The following RUNX1T1 variants were observed in gnomAD, a reference collection of about 807,000 sequenced individuals.
RUNX1T1 encodes RUNX1 partner transcriptional co-repressor 1, also known as protein CBFA2T1.
Under a neutral mutation model 62.8 loss-of-function variants are expected in RUNX1T1, and 4 were observed. That is an observed-to-expected ratio of 0.06 (90% CI 0.03 to 0.15). The LOEUF (loss-of-function observed/expected upper bound fraction) is 0.15, where lower values mean the gene tolerates loss of function less well. Ranked by LOEUF, RUNX1T1 falls within the 10% of genes least tolerant of loss-of-function variation. The pLI is 1.00. For missense variants in RUNX1T1, 508 were observed against 754.3 expected (o/e 0.67, Z 3.82); for synonymous variants, 291 against 286.0 (o/e 1.02, Z -0.18).
chr8:92,043,996 A>C (rs1828946886), intron 1 of RUNX1T1, among the ~76,000 whole-genome samples: 1 of 151,964 alleles, frequency 6.6e-6, no homozygotes, highest in African/African-American at 2.4e-5. Context: ...AAAAAAAAAA[A>C]ACCTTAAGCT....
chr8:92,058,993 A>G (rs1034990399), intron 1 of RUNX1T1, among the ~76,000 whole-genome samples: 2 of 152,206 alleles, frequency 1.3e-5, no homozygotes, highest in Admixed American at 6.5e-5. Flanking sequence ...GTTTCCAAAT[A>G]TCATTTTACA....
chr8:92,041,501 G>A (rs1384347131), intron 1 of RUNX1T1, among the ~76,000 whole-genome samples: 1 of 152,222 alleles, frequency 6.6e-6, no homozygotes, highest in Non-Finnish European at 1.5e-5. Flanking sequence ...AACAATTTGG[G>A]AGGCTGAGGT....
chr8:91,961,950 T>C (rs1810548480), intron 10 of RUNX1T1, among the ~76,000 whole-genome samples: 1 of 152,232 alleles, frequency 6.6e-6, no homozygotes, highest in East Asian at 1.9e-4. Context: ...CTGTGTTCTC[T>C]ACATTTGCTT....
At chr8:92,103,088 A>G (rs889158336), upstream of RUNX1T1, 2 of 443,724 alleles carry the variant, frequency 4.5e-6, no homozygotes, top group Non-Finnish European at 3.8e-6. Context: ...GCTGCCGTGC[A>G]AAAAGCCCGG....
chr8:92,002,328 A>G (rs761429885), intron 5 of RUNX1T1, among the ~76,000 whole-genome samples: 31 of 152,280 alleles, frequency 2.0e-4, no homozygotes, highest in Admixed American at 3.3e-4. Flanking sequence ...ACTGTTCCAT[A>G]CAGGAACAAA....
chr8:91,982,189 A>G (rs1022126134), intron 8 of RUNX1T1, among the ~76,000 whole-genome samples: 1 of 149,770 alleles, frequency 6.7e-6, no homozygotes, highest in African/African-American at 2.5e-5. Flanking sequence ...GTGAGCCGAG[A>G]TTATGCCACC....
chr8:92,076,899 G>C (rs886781431), intron 1 of RUNX1T1, among the ~76,000 whole-genome samples: 1 of 151,922 alleles, frequency 6.6e-6, no homozygotes, highest in Non-Finnish European at 1.5e-5. Context: ...AATAGAAAAA[G>C]TATTGCTATG....
intron 5 of RUNX1T1, among the ~76,000 whole-genome samples, chr8:92,003,991 G>GTT (rs1392525326): frequency 6.6e-6 from 1 of 152,210 alleles, no homozygotes; most frequent in Non-Finnish European, 1.5e-5. Context: ...TACAGAGATT[G>GTT]TAGCATAAAA....
At chr8:91,988,565 T>C (rs1817028709) in intron 6 of RUNX1T1, among the ~76,000 whole-genome samples, 1 of 152,086 alleles carries the variant, frequency 6.6e-6, no homozygotes, top group South Asian at 2.1e-4. Context: ...AACCAGAAAG[T>C]GATAAGGATA....
chr8:92,051,017 C>A (rs1830146912), intron 1 of RUNX1T1, among the ~76,000 whole-genome samples: 1 of 152,180 alleles, frequency 6.6e-6, no homozygotes, highest in Non-Finnish European at 1.5e-5. Context: ...TCTTCCTTGA[C>A]AATCTAATCT....
exon 6 of RUNX1T1, chr8:91,991,689 G>A (rs1563692438): frequency 6.2e-7 from 1 of 1,614,094 alleles, no homozygotes; most frequent in Non-Finnish European, 8.5e-7. Flanking sequence ...GTGTCGATAG[G>A]AGTCCCTGTA....
At chr8:92,020,199 A>G (rs1823813306) in intron 1 of RUNX1T1, among the ~76,000 whole-genome samples, 1 of 151,956 alleles carries the variant, frequency 6.6e-6, no homozygotes, top group Admixed American at 6.6e-5. Context: ...ACACATGAAC[A>G]CTCTCTGGAG....
intron 5 of RUNX1T1, 83 bp from the exon 7 acceptor site, chr8:91,991,972 T>TA: frequency 1.4e-6 from 2 of 1,450,210 alleles, no homozygotes; most frequent in Non-Finnish European, 1.9e-6. Flanking sequence ...GAGCTTGGAA[T>TA]AAAAACAGAA....
chr8:92,102,689 C>G (rs1838095034), upstream of RUNX1T1, among the ~76,000 whole-genome samples: 1 of 152,230 alleles, frequency 6.6e-6, no homozygotes, highest in Non-Finnish European at 1.5e-5. This position sits in a 1 kb window ranked among gnomAD's most constrained non-coding sequence, Gnocchi z 4.5. Flanking sequence ...CGATGTTCCT[C>G]TTTGCCCTGG....
At chr8:92,055,452 T>G (rs1306192468) in intron 1 of RUNX1T1, among the ~76,000 whole-genome samples, 3 of 152,024 alleles carry the variant, frequency 2.0e-5, no homozygotes, top group African/African-American at 7.2e-5. Flanking sequence ...ATTTATTAAT[T>G]TTTTTTTGAG....
At chr8:92,096,271 G>C (rs979360074) in intron 1 of RUNX1T1, among the ~76,000 whole-genome samples, 1 of 152,192 alleles carries the variant, frequency 6.6e-6, no homozygotes, top group Non-Finnish European at 1.5e-5. Flanking sequence ...GGCTCCTTAT[G>C]TGTGCATCTG....
upstream of RUNX1T1, among the ~76,000 whole-genome samples, chr8:92,066,561 A>G (rs568631393): frequency 1.3e-5 from 2 of 152,278 alleles, no homozygotes; most frequent in South Asian, 4.2e-4. Context: ...GCTAAGGGAG[A>G]TGGACCTCTC....
chr8:92,019,046 A>G (rs1453977552), intron 1 of RUNX1T1: 1 of 152,162 alleles, frequency 6.6e-6, no homozygotes, highest in Non-Finnish European at 1.5e-5. Flanking sequence ...CCAGTAAGTC[A>G]CTTATTCTAG....
rs548806568 is a variant in RUNX1T1 at position 91,975,803 on chromosome 8, T to C, written c.1267+102A>G. On this transcript the variant is annotated intron_variant, in intron 9 of 10. Coordinates refer to ENST00000396218, the Ensembl canonical transcript of RUNX1T1. ...TTTTGTTTTGTTTTTGCTGTTGTTGTTGTTAGCAGTAAAGTCCTTTCTTGT... is the reference window on the plus strand; with the variant it reads ...TTTTGTTTTGTTTTTGCTGTTGTTGCTGTTAGCAGTAAAGTCCTTTCTTGT... 87 of 722,798 alleles carry C rather than the reference T, an allele frequency of 1.2e-4. 1 individual carries two copies. In the South Asian group the frequency reaches 1.4e-3, roughly 12 times the overall value. 44.8% of individuals were successfully genotyped at this position (722,798 alleles called of 1,614,324 possible).
Sources: allele counts gnomAD v4.1 joint callset (sites outside exome capture counted in the v4.1 genomes callset), GRCh38; gene constraint gnomAD v4.1.1; non-coding constraint Gnocchi (gnomAD v3.1); transcripts MANE v1.5; gene names NCBI Gene and HGNC (gene_info 2026-07-23, HGNC 2026-07-21).